The following HSD17B11 variants were observed in gnomAD, a reference collection of about 807,000 sequenced individuals.
HSD17B11 encodes the protein estradiol 17-beta-dehydrogenase 11.
A neutral mutation model predicts 27.8 loss-of-function variants in HSD17B11; 22 were observed. That is an observed-to-expected ratio of 0.79 (90% CI 0.56 to 1.13). HSD17B11 has a LOEUF of 1.13. Among genes scored for constraint, HSD17B11 ranks in the 50% most tolerant of loss-of-function variants. The probability of loss-of-function intolerance (pLI) is 0.00; values close to 1 mark genes in which losing one functional copy is unlikely to be tolerated. For missense variants in HSD17B11, 314 were observed against 351.1 expected, an observed-to-expected ratio of 0.89 and a Z score of 0.84; for synonymous variants, 117 against 132.8, an observed-to-expected ratio of 0.88 and a Z score of 0.82.
At chr4:87,374,317 GT>G (rs1735776536) in intron 3 of HSD17B11, 1 of 170,464 alleles carries the variant, frequency 5.9e-6, no homozygotes, top group Non-Finnish European at 1.2e-5. Flanking sequence ...GTGAGACCCT[GT>G]CTAAAAAAGA....
At chr4:87,384,077 T>G (rs1043163741) in intron 1 of HSD17B11, among the ~76,000 whole-genome samples, 1 of 152,154 alleles carries the variant, frequency 6.6e-6, no homozygotes, top group Non-Finnish European at 1.5e-5. Context: ...GAAACTGTTA[T>G]GATAATAAAG....
At position 87,382,210 on chromosome 4, in the gene HSD17B11, C is replaced by T. The variant is rs774129117; in HGVS notation, c.318+45G>A. The T allele has an allele frequency of 4.9e-6, 7 of 1,423,090 alleles. No homozygotes were observed. In the Admixed American group the frequency reaches 1.2e-4, roughly 24 times the overall value. The allele number at this position is 1,423,090 out of a possible 1,614,324, so 88.2% of individuals were successfully genotyped here. ...AGACTGGGTCATCTCCAAAACACCT[C>T]CTAGCTCTAACATGATATGATTCTA... On this transcript the variant is annotated intron_variant, in intron 2 of 6. Coordinates refer to ENST00000358290, the MANE Select transcript of HSD17B11 (RefSeq NM_016245.5).
intron 6 of HSD17B11, among the ~76,000 whole-genome samples, chr4:87,338,398 G>T (rs1426482837): frequency 1.3e-5 from 2 of 152,178 alleles, no homozygotes; most frequent in African/African-American, 4.8e-5. Flanking sequence ...TAGATGGCAT[G>T]AAAAGAGGGT....
chr4:87,354,078 CA>C (rs1024481597), intron 5 of HSD17B11, among the ~76,000 whole-genome samples: 3 of 152,054 alleles, frequency 2.0e-5, no homozygotes, highest in Non-Finnish European at 4.4e-5. Context: ...TGTTTTCTAA[CA>C]AAAATTGTGT....
chr4:87,382,350 C>G lies in HSD17B11; in HGVS notation c.223G>C (p.Glu75Gln). The G allele has an allele frequency of 6.2e-7, 1 of 1,613,408 alleles. No individual in the cohort carries two copies. Among genetic ancestry groups the G allele is most frequent in the Non-Finnish European group, 8.5e-7 (1 of 1,179,452 alleles). Residue 75 changes from glutamate to glutamine, a missense_variant, in exon 2 of 7, where the codon GAA becomes CAA. Glu to Gln is a conservative substitution (Grantham distance 29, BLOSUM62 2). Transcript: ENST00000358290. ...AGTCCCTTGCATTTGGCAGCTGTTT[C>G]CTCCAGTCCATGCTAGAAAAAGCAA... is the stretch of plus-strand genomic sequence containing the variant. ...LWDINKHGLE[E>Q]TAAKCKGLGA... is the part of the protein sequence containing the mutation.
chr4:87,339,751 T>C (rs1735129675), intron 6 of HSD17B11, among the ~76,000 whole-genome samples: 2 of 152,226 alleles, frequency 1.3e-5, no homozygotes, highest in Admixed American at 1.3e-4. Context: ...AAAGTTATTG[T>C]ATCTCTCAAA....
intron 1 of HSD17B11, among the ~76,000 whole-genome samples, chr4:87,385,183 C>G (rs1281749896): frequency 6.6e-6 from 1 of 152,138 alleles, no homozygotes; most frequent in Non-Finnish European, 1.5e-5. Context: ...ACTTAACCAG[C>G]AGCTTTTGGC....
At chr4:87,389,019 G>T (rs1720387224) in intron 1 of HSD17B11, among the ~76,000 whole-genome samples, 1 of 152,130 alleles carries the variant, frequency 6.6e-6, no homozygotes, top group Non-Finnish European at 1.5e-5. Context: ...GCTTTTTGAG[G>T]TATGTATTGT....
intron 2 of HSD17B11, among the ~76,000 whole-genome samples, chr4:87,377,928 T>C (rs1735867943): frequency 6.6e-6 from 1 of 152,218 alleles, no homozygotes; most frequent in South Asian, 2.1e-4. Flanking sequence ...GCAATTCTTA[T>C]ATGCTCACTT....
intron 1 of HSD17B11, among the ~76,000 whole-genome samples, chr4:87,384,940 C>T (rs972139946): frequency 2.6e-4 from 40 of 152,154 alleles, no homozygotes; most frequent in African/African-American, 8.9e-4. Context: ...TACGTGATGT[C>T]ACCCCCAGCG....
intron 1 of HSD17B11, among the ~76,000 whole-genome samples, chr4:87,382,954 G>C (rs1432517061): frequency 6.6e-6 from 1 of 152,156 alleles, no homozygotes; most frequent in Non-Finnish European, 1.5e-5. Flanking sequence ...TTATTGTTTT[G>C]ATAATAAAAG....
chr4:87,346,653 C>T (rs1002784266), intron 5 of HSD17B11, among the ~76,000 whole-genome samples: 4 of 151,998 alleles, frequency 2.6e-5, no homozygotes, highest in Non-Finnish European at 5.9e-5. Context: ...CTGTCTCAAA[C>T]ATAAATAATT....
intron 1 of HSD17B11, among the ~76,000 whole-genome samples, chr4:87,387,533 T>A (rs1218866686): frequency 6.6e-6 from 1 of 152,124 alleles, no homozygotes; most frequent in African/African-American, 2.4e-5. Flanking sequence ...CTGCTCCAAA[T>A]CCCCACCCTG....
At chr4:87,367,502 C>A (rs1735632548) in intron 4 of HSD17B11, among the ~76,000 whole-genome samples, 2 of 152,092 alleles carry the variant, frequency 1.3e-5, no homozygotes, top group South Asian at 4.1e-4. Flanking sequence ...CCATCAAAGC[C>A]AATTAAAAAG....
intron 5 of HSD17B11, among the ~76,000 whole-genome samples, chr4:87,345,962 G>C (rs531960746): frequency 6.6e-6 from 1 of 152,106 alleles, no homozygotes; most frequent in African/African-American, 2.4e-5. Context: ...GAATTACCCC[G>C]ATACTAAAAA....
At chr4:87,373,436 G>A (rs1207118194) in intron 3 of HSD17B11, among the ~76,000 whole-genome samples, 1 of 151,790 alleles carries the variant, frequency 6.6e-6, no homozygotes, top group Non-Finnish European at 1.5e-5. Flanking sequence ...CCGGCCAAGT[G>A]CAGTGGCTCA....
chr4:87,384,335 CAT>C (rs748627226), intron 1 of HSD17B11, among the ~76,000 whole-genome samples: 14 of 152,230 alleles, frequency 9.2e-5, no homozygotes, highest in East Asian at 3.9e-4. Flanking sequence ...GATTGTAAAA[CAT>C]GTGTGTTTGA....
At position 87,374,699 on chromosome 4, in the gene HSD17B11, C is replaced by A; in HGVS notation, c.450G>T (p.Trp150Cys). The A allele has an allele frequency of 6.3e-7, 1 of 1,593,948 alleles. No homozygotes were observed. The highest frequency in any genetic ancestry group is 8.5e-7 in the Non-Finnish European group (1 of 1,175,286). Residue 150 changes from tryptophan to cysteine, a missense_variant and splice_region_variant, in exon 3 of 7, where the codon TGG (tryptophan) becomes TGT (cysteine). Trp to Cys is a radical substitution (Grantham distance 215). Transcript: ENST00000358290. The part of the protein sequence containing the change: ...TFEVNVLAHF[W>C]TTKAFLPAMT... ...TTTTTGTAAAAGAAGCCATACTCAC[C>A]CAGAAATGTGCAAGTACATTAACTT...
At chr4:87,382,692 A>G (rs914394900) in intron 1 of HSD17B11, among the ~76,000 whole-genome samples, 2 of 152,226 alleles carry the variant, frequency 1.3e-5, no homozygotes, top group Non-Finnish European at 2.9e-5. Context: ...AAAAAATGTA[A>G]CATTAAACTT....
Sources: gnomAD v4.1 joint callset for allele counts (sites outside exome capture counted in the v4.1 genomes callset) on GRCh38, gnomAD v4.1.1 for gene constraint, MANE v1.5 for transcripts, NCBI Gene and HGNC (gene_info 2026-07-23, HGNC 2026-07-21) for gene names.